The following FAM163A variants were observed in gnomAD, a reference collection of about 807,000 sequenced individuals.
FAM163A encodes family with sequence similarity 163 member A, also known as protein FAM163A.
FAM163A carries 7 observed loss-of-function variants against 12.0 expected under a neutral mutation model. The ratio of observed to expected loss-of-function variants is 0.58; its 90% confidence interval spans 0.33 to 1.10. The LOEUF (loss-of-function observed/expected upper bound fraction) is 1.10. Ranked by LOEUF, FAM163A falls within the 50% of genes least tolerant of loss-of-function variation. The pLI, the probability that FAM163A is intolerant of heterozygous loss-of-function variation, is 0.03. For missense variants in FAM163A, 202 were observed against 218.6 expected (o/e 0.92, Z 0.48); for synonymous variants, 101 against 91.0 (o/e 1.11, Z -0.62).
chr1:179,797,980 A>C (rs1692592036), intron 1 of FAM163A, among the ~76,000 whole-genome samples: 1 of 152,194 alleles, frequency 6.6e-6, no homozygotes, highest in African/African-American at 2.4e-5. Flanking sequence ...CTGTAATCTC[A>C]GCACTTTGGG....
chr1:179,739,973 G>T (rs1360647988), upstream of FAM163A, among the ~76,000 whole-genome samples: 3 of 152,146 alleles, frequency 2.0e-5, no homozygotes, highest in African/African-American at 7.2e-5. Context: ...GATGTAAAAT[G>T]GTACAATTGC....
chr1:179,740,267 C>CT (rs1683478200), upstream of FAM163A, among the ~76,000 whole-genome samples: 1 of 152,176 alleles, frequency 6.6e-6, no homozygotes, highest in African/African-American at 2.4e-5. Flanking sequence ...CAGCCTCCAA[C>CT]TCCTGGGTTC....
intron 1 of FAM163A, among the ~76,000 whole-genome samples, chr1:179,775,928 C>A (rs1008530242): frequency 6.6e-6 from 1 of 151,884 alleles, no homozygotes; most frequent in Admixed American, 6.6e-5. Flanking sequence ...GGGTCCTTGG[C>A]GGAAAAGATT....
chr1:179,731,895 ACAACCAAGTT>A, the FAM163A span, among the ~76,000 whole-genome samples: 1 of 152,248 alleles, frequency 6.6e-6, no homozygotes, highest in Non-Finnish European at 1.5e-5. Flanking sequence ...CACAGTGCCA[ACAACCAAGTT>A]CTAGGTCTAT....
At chr1:179,752,843 G>T (rs965495488) in intron 1 of FAM163A, among the ~76,000 whole-genome samples, 2 of 152,134 alleles carry the variant, frequency 1.3e-5, no homozygotes, top group East Asian at 1.9e-4. Context: ...CACTGTTTGT[G>T]GGGGGGATGT....
chr1:179,812,977 C>G, intron 3 of FAM163A, 99 bp from the exon 4 acceptor site: 1 of 1,136,240 alleles, frequency 8.8e-7, no homozygotes, highest in Non-Finnish European at 1.3e-6. Flanking sequence ...GCTCTCAGGC[C>G]CCCTGCCCCA....
chr1:179,813,732 G>A (rs1032293031), intron 4 of FAM163A, 47 bp from the exon 5 acceptor site: 2 of 1,604,144 alleles, frequency 1.2e-6, no homozygotes, highest in South Asian at 1.1e-5. Context: ...TGCATGGGGC[G>A]GGGGGAGCAT....
chr1:179,755,439 A>G (rs1685883777), intron 1 of FAM163A, among the ~76,000 whole-genome samples: 1 of 152,204 alleles, frequency 6.6e-6, no homozygotes, highest in South Asian at 2.1e-4. Context: ...AGGATGTCAC[A>G]GAGGCCATCT....
chr1:179,792,283 T>TGTGTGTGTGTG (rs1553225114), intron 1 of FAM163A, among the ~76,000 whole-genome samples: 1 of 133,566 alleles, frequency 7.5e-6, no homozygotes, highest in African/African-American at 2.8e-5. Flanking sequence ...CCATATCTGA[T>TGTGTGTGTGTG]TGTGTGTGTG....
chr1:179,803,585 T>C (rs568225967), intron 1 of FAM163A, among the ~76,000 whole-genome samples: 1 of 152,256 alleles, frequency 6.6e-6, no homozygotes, highest in Non-Finnish European at 1.5e-5. Context: ...TTTTTTATTT[T>C]AAGACAGAGT....
chr1:179,752,097 A>T (rs749650046), intron 1 of FAM163A, among the ~76,000 whole-genome samples: 1 of 152,222 alleles, frequency 6.6e-6, no homozygotes, highest in African/African-American at 2.4e-5. Flanking sequence ...TGGTATAAAG[A>T]CACATAGATT....
chr1:179,760,019 C>T (rs760293279), intron 1 of FAM163A, among the ~76,000 whole-genome samples: 15 of 152,064 alleles, frequency 9.9e-5, no homozygotes, highest in African/African-American at 1.7e-4. Context: ...TCCAAATGTT[C>T]GTGCAGTGTT....
At chr1:179,805,673 G>A (rs749856795) in intron 1 of FAM163A, among the ~76,000 whole-genome samples, 3 of 152,042 alleles carry the variant, frequency 2.0e-5, no homozygotes, top group East Asian at 1.9e-4. Flanking sequence ...GCCCCCACAC[G>A]TCCCTCTGCT....
At chr1:179,734,529 C>G in the FAM163A span, among the ~76,000 whole-genome samples, 1 of 152,198 alleles carries the variant, frequency 6.6e-6, no homozygotes, top group Non-Finnish European at 1.5e-5. Flanking sequence ...AAGGTAGCAG[C>G]AGGCTCCGTT....
chr1:179,770,471 T>C (rs1688130896), intron 1 of FAM163A, among the ~76,000 whole-genome samples: 1 of 152,164 alleles, frequency 6.6e-6, no homozygotes, highest in African/African-American at 2.4e-5. Flanking sequence ...CCCATTGCTC[T>C]TGGAATGAAG....
chr1:179,734,758 A>C, the FAM163A span, among the ~76,000 whole-genome samples: 2 of 152,224 alleles, frequency 1.3e-5, no homozygotes, highest in African/African-American at 4.8e-5. Flanking sequence ...ATAAACATTC[A>C]GTCCATTGCA....
At chr1:179,811,722 T>G (rs1486500260) in intron 2 of FAM163A, among the ~76,000 whole-genome samples, 14 of 152,194 alleles carry the variant, frequency 9.2e-5, no homozygotes, top group Admixed American at 9.2e-4. Flanking sequence ...CATAGCTTTG[T>G]GAGCACAGTG....
At chr1:179,763,928 T>C (rs1687140879) in intron 1 of FAM163A, among the ~76,000 whole-genome samples, 1 of 152,166 alleles carries the variant, frequency 6.6e-6, no homozygotes, top group Non-Finnish European at 1.5e-5. Context: ...TTCCACTGCT[T>C]CTTTGCCAGT....
the FAM163A span, among the ~76,000 whole-genome samples, chr1:179,735,934 A>T: frequency 6.6e-6 from 1 of 152,192 alleles, no homozygotes; most frequent in African/African-American, 2.4e-5. Flanking sequence ...GGAAAAGGAG[A>T]GTCTCTTCAA....
Sources: gnomAD v4.1 joint callset for allele counts (sites outside exome capture counted in the v4.1 genomes callset) on GRCh38, gnomAD v4.1.1 for gene constraint, MANE v1.5 for transcripts, NCBI Gene and HGNC (gene_info 2026-07-23, HGNC 2026-07-21) for gene names.